The following AAK1 variants were observed in gnomAD, a reference collection of about 807,000 sequenced individuals.
The protein encoded by AAK1 is AP2 associated kinase 1, also known as AP2-associated protein kinase 1.
In AAK1, 37 loss-of-function variants were observed where a neutral mutation model predicts 116.0. The observed-to-expected ratio is 0.32, with a 90% confidence interval of 0.25 to 0.42. The LOEUF (loss-of-function observed/expected upper bound fraction) is 0.42, where lower values mean the gene tolerates loss of function less well. Among genes scored for constraint, AAK1 ranks in the 10% least tolerant of loss-of-function variants. The pLI is 1.00. For synonymous variants in AAK1, 458 were observed against 439.9 expected (o/e 1.04, Z -0.51); for missense variants, 919 against 1,170.6 (o/e 0.79, Z 3.14).
chr2:69,539,897 C>T (rs17036759), intron 5 of AAK1, among the ~76,000 whole-genome samples: 40,325 of 151,996 alleles, frequency 0.27, 6,288 homozygotes, highest in East Asian at 0.5. Flanking sequence ...ACATTAAACC[C>T]CTTGATTATC....
chr2:69,556,786 G>T lies in AAK1; in HGVS notation c.282+74C>A. The T allele has an allele frequency of 3.4e-6, 4 of 1,190,696 alleles. No individual in the cohort carries two copies. The South Asian group carries it at 3.9e-5, about 11-fold the overall frequency. The allele number at this position is 1,190,696 out of a possible 1,614,324, so 73.8% of individuals were successfully genotyped here. ...CATCTCAGGGAAGGGAACAAACCCC[G>T]CTTGGCTTTCTTATGAGAGGGTACA... On this transcript the variant is annotated intron_variant, in intron 3 of 21. Coordinates refer to ENST00000409085, the MANE Select transcript of AAK1 (RefSeq NM_014911.5).
intron 14 of AAK1, 23 bp from the exon 15 acceptor site, chr2:69,507,601 G>A (rs576498496): frequency 1.4e-5 from 22 of 1,540,038 alleles, no homozygotes; most frequent in African/African-American, 8.3e-5. Flanking sequence ...CCACCCCCAC[G>A]AAACAAAAAG....
At position 69,466,157 on chromosome 2, in the gene AAK1, T is replaced by C; in HGVS notation, c.*9712A>G. 5 of 1,290,234 alleles carry C rather than the reference T, an allele frequency of 3.9e-6. No homozygotes were observed. The highest frequency in any genetic ancestry group is 5.1e-6 in the Non-Finnish European group (5 of 988,882). 79.9% of individuals were successfully genotyped at this position (1,290,234 alleles called of 1,614,324 possible). ...CACTGAGCCCATCAGTGGCTGGCTGTGTGAAGGCTTGAAACTGGTTCTTTC... is the reference window on the plus strand; with the variant it reads ...CACTGAGCCCATCAGTGGCTGGCTGCGTGAAGGCTTGAAACTGGTTCTTTC... On this transcript the variant is annotated 3_prime_UTR_variant, in exon 22 of 22. Coordinates refer to ENST00000409085, the MANE Select transcript of AAK1 (RefSeq NM_014911.5).
Position 69,518,941 on chromosome 2 carries a change from C to CT in AAK1, c.1497+12dup. 6.5e-7 allele frequency: 1 copy of CT among 1,532,322 alleles called. No individual in the cohort carries two copies. The highest frequency in any genetic ancestry group is 8.8e-7 in the Non-Finnish European group (1 of 1,136,952). The allele number at this position is 1,532,322 out of a possible 1,614,324, so 94.9% of individuals were successfully genotyped here. On this transcript the variant is annotated intron_variant, in intron 12 of 21. Coordinates refer to ENST00000409085, the MANE Select transcript of AAK1 (RefSeq NM_014911.5). ...CAGATATGCAAGCAAGGGCCACACT[C>CT]TGACCACCTTACCTGCTGAGTCTGG...
chr2:69,489,110 TGCTGGGATTACAG>T (rs1675418898), intron 17 of AAK1, among the ~76,000 whole-genome samples: 1 of 151,026 alleles, frequency 6.6e-6, no homozygotes, highest in Non-Finnish European at 1.5e-5. Flanking sequence ...CCTCCCAAAG[TGCTGGGATTACAG>T]GAGCGAGCCA....
At chr2:69,583,330 G>A (rs913895656) in intron 2 of AAK1, among the ~76,000 whole-genome samples, 3 of 152,204 alleles carry the variant, frequency 2.0e-5, no homozygotes, top group Non-Finnish European at 4.4e-5. Context: ...GTGGTGGTGA[G>A]CAGAGGATGG....
chr2:69,632,315 C>T (rs1050561464), intron 2 of AAK1, among the ~76,000 whole-genome samples: 5 of 152,310 alleles, frequency 3.3e-5, no homozygotes, highest in African/African-American at 1.2e-4. Context: ...CCACAGGTGA[C>T]ATTTAGCAAT....
chr2:69,465,853 T>A lies in AAK1; in HGVS notation c.*10016A>T, dbSNP rs1674468300. 7.7e-7 allele frequency: 1 copy of A among 1,290,602 alleles called. No homozygotes were observed. The highest frequency in any genetic ancestry group is 1.0e-6 in the Non-Finnish European group (1 of 988,840). 79.9% of individuals were successfully genotyped at this position (1,290,602 alleles called of 1,614,324 possible). On this transcript the variant is annotated 3_prime_UTR_variant, in exon 22 of 22. Coordinates refer to ENST00000409085, the MANE Select transcript of AAK1 (RefSeq NM_014911.5). The stretch of plus-strand genomic sequence containing the variant: ...GTGGAATACTGAGCTTGGACAGAGG[T>A]GTACACAGCTCTCTCACGGCCCGCG...
Position 69,461,435 on chromosome 2 carries a change from G to A in AAK1, c.*14434C>T, listed in dbSNP as rs866041342. ...ATAAGACCCTACTGTAATACAAGTC[G>A]GCAGAATCTAACTGTTACTAATAAT... is the stretch of plus-strand genomic sequence containing the variant. On this transcript the variant is annotated 3_prime_UTR_variant, in exon 22 of 22. Transcript: ENST00000409085. 3 of 229,156 alleles carry A rather than the reference G, an allele frequency of 1.3e-5. No homozygotes were observed. The highest frequency in any genetic ancestry group is 6.0e-5 in the Admixed American group (1 of 16,690). The allele number at this position is 229,156 out of a possible 1,614,324, so 14.2% of individuals were successfully genotyped here. A position where few individuals can be genotyped will look rare whatever the true frequency, so the allele number is the denominator to read the frequency against.
At chr2:69,524,063 A>G (rs1284700415) in intron 10 of AAK1, among the ~76,000 whole-genome samples, 1 of 152,164 alleles carries the variant, frequency 6.6e-6, no homozygotes, top group Non-Finnish European at 1.5e-5. Flanking sequence ...GGAAGAACCT[A>G]GGTTGAACAG....
rs190503839 is a variant in AAK1 at position 69,464,809 on chromosome 2, G to A, written c.*11060C>T. 5.2e-4 allele frequency: 80 copies of A among 153,064 alleles called. No homozygotes were observed. Among genetic ancestry groups the A allele is most frequent in the African/African-American group, 1.7e-3 (72 of 41,558 alleles). 9.5% of individuals were successfully genotyped at this position (153,064 alleles called of 1,614,324 possible). A position where few individuals can be genotyped will look rare whatever the true frequency, so the allele number is the denominator to read the frequency against. ...TCCACACCCATAGACAGTCATGCAC[G>A]AGAGCCAGCCTGGCTTGCACACAGA... On this transcript the variant is annotated 3_prime_UTR_variant, in exon 22 of 22. Coordinates refer to ENST00000409085, the MANE Select transcript of AAK1 (RefSeq NM_014911.5).
At chr2:69,543,152 T>C (rs190298545) in intron 4 of AAK1, among the ~76,000 whole-genome samples, 194 of 152,254 alleles carry the variant, frequency 1.3e-3, no homozygotes, top group Non-Finnish European at 2.2e-3. Context: ...CTTGCAGAAA[T>C]GGTACCACCA....
chr2:69,580,157 C>T (rs1672483716), intron 2 of AAK1, among the ~76,000 whole-genome samples: 1 of 152,192 alleles, frequency 6.6e-6, no homozygotes, highest in Non-Finnish European at 1.5e-5. Context: ...TGGCTTATTT[C>T]AGATCCTCCT....
intron 5 of AAK1, among the ~76,000 whole-genome samples, chr2:69,534,411 G>A (rs1035613427): frequency 6.6e-6 from 1 of 152,228 alleles, no homozygotes; most frequent in Non-Finnish European, 1.5e-5. Context: ...TTGGGTGCAA[G>A]CTTAAGGACA....
At chr2:69,566,035 T>C (rs1671851839) in intron 2 of AAK1, among the ~76,000 whole-genome samples, 2 of 151,450 alleles carry the variant, frequency 1.3e-5, no homozygotes, top group Admixed American at 1.3e-4. Context: ...GGTGGCAGAG[T>C]GTCCTCTCCA....
At chr2:69,516,104 A>G (rs1676568409) in intron 12 of AAK1, among the ~76,000 whole-genome samples, 1 of 152,228 alleles carries the variant, frequency 6.6e-6, no homozygotes, top group South Asian at 2.1e-4. Flanking sequence ...TTAAAAAGCA[A>G]TAACTAAAAA....
At chr2:69,484,106 G>C (rs983881513) in intron 17 of AAK1, among the ~76,000 whole-genome samples, 3 of 152,114 alleles carry the variant, frequency 2.0e-5, no homozygotes, top group Admixed American at 6.5e-5. Context: ...TTAAACCATG[G>C]AAATGTCATT....
intron 2 of AAK1, among the ~76,000 whole-genome samples, chr2:69,627,651 G>A (rs1394851390): frequency 6.6e-6 from 1 of 152,244 alleles, no homozygotes; most frequent in African/African-American, 2.4e-5. Flanking sequence ...AGCTATTGTA[G>A]GGGTTTGCAG....
Position 69,467,569 on chromosome 2 carries a change from C to T in AAK1, c.*8300G>A. On this transcript the variant is annotated 3_prime_UTR_variant, in exon 22 of 22. Coordinates refer to ENST00000409085, the MANE Select transcript of AAK1 (RefSeq NM_014911.5). The stretch of plus-strand genomic sequence containing the variant: ...TCATCATGGGCTCAGTAAAGAGATA[C>T]TACTGGAGTTTCCCAACCCACCAGG... 1.0e-6 allele frequency: 1 copy of T among 985,388 alleles called. No individual in the cohort carries two copies. Among genetic ancestry groups the T allele is most frequent in the Non-Finnish European group, 1.2e-6 (1 of 829,926 alleles). 61.0% of individuals were successfully genotyped at this position (985,388 alleles called of 1,614,324 possible).
Sources: allele counts gnomAD v4.1 joint callset (sites outside exome capture counted in the v4.1 genomes callset), GRCh38; gene constraint gnomAD v4.1.1; transcripts MANE v1.5; gene names NCBI Gene and HGNC (gene_info 2026-07-23, HGNC 2026-07-21).